Variants in INTS4 observed in about 807,000 individuals in gnomAD.
The protein encoded by INTS4 is MSTP093.
A neutral mutation model predicts 119.5 loss-of-function variants in INTS4; 70 were observed. That is an observed-to-expected ratio of 0.59 (90% confidence interval 0.48 to 0.71). The LOEUF (loss-of-function observed/expected upper bound fraction) is 0.71, where lower values mean the gene tolerates loss of function less well. Ranked by LOEUF, INTS4 falls within the 30% of genes least tolerant of loss-of-function variation. The pLI is 0.00. For missense variants in INTS4, 867 were observed against 1,173.2 expected (o/e 0.74, Z 3.81); for synonymous variants, 316 against 419.6 (o/e 0.75, Z 3.02).
chr11:77,905,646 A>C (rs1347206503), intron 16 of INTS4, among the ~76,000 whole-genome samples: 1 of 152,206 alleles, frequency 6.6e-6, no homozygotes, highest in Non-Finnish European at 1.5e-5. Context: ...GCATTTGTGA[A>C]AGATAAAATT....
intron 11 of INTS4, among the ~76,000 whole-genome samples, chr11:77,925,652 A>C (rs1425721763): frequency 2.6e-5 from 4 of 152,252 alleles, no homozygotes; most frequent in Non-Finnish European, 1.5e-5. Flanking sequence ...AAAATTCTGC[A>C]ACAGTTTTCC....
chr11:77,927,605 ACT>A (rs1375929348), intron 11 of INTS4, among the ~76,000 whole-genome samples: 5 of 151,982 alleles, frequency 3.3e-5, no homozygotes, highest in Non-Finnish European at 7.4e-5. Flanking sequence ...CTGGGAAGCA[ACT>A]CTCTGTTTAC....
downstream of INTS4, among the ~76,000 whole-genome samples, chr11:77,876,540 T>C (rs1220553018): frequency 2.6e-5 from 4 of 152,114 alleles, no homozygotes; most frequent in Admixed American, 2.0e-4. Context: ...GATACTTGAA[T>C]TGCTTAGCAA....
At chr11:77,960,472 TCC>T (rs1349084994) in intron 5 of INTS4, 81 bp from the exon 6 acceptor site, 1 of 1,074,630 alleles carries the variant, frequency 9.3e-7, no homozygotes, top group African/African-American at 1.6e-5. Context: ...TCACATATTT[TCC>T]CCTATTGTAT....
At chr11:77,910,141 C>A (rs997535067) in intron 15 of INTS4, among the ~76,000 whole-genome samples, 1 of 152,120 alleles carries the variant, frequency 6.6e-6, no homozygotes, top group Non-Finnish European at 1.5e-5. Flanking sequence ...GACACATGCA[C>A]GCATATGTTT....
intron 15 of INTS4, among the ~76,000 whole-genome samples, chr11:77,914,278 G>A (rs965520918): frequency 6.6e-6 from 1 of 152,204 alleles, no homozygotes; most frequent in Non-Finnish European, 1.5e-5. Context: ...CCATGAAGGC[G>A]AGTACCTTCT....
At chr11:77,877,751 T>C (rs1208806143), downstream of INTS4, among the ~76,000 whole-genome samples, 1 of 150,406 alleles carries the variant, frequency 6.6e-6, no homozygotes. Context: ...CACTTGCAAT[T>C]TTTTTTTTTT....
intron 12 of INTS4, among the ~76,000 whole-genome samples, chr11:77,923,185 G>T (rs556231913): frequency 2.0e-5 from 3 of 152,048 alleles, no homozygotes; most frequent in Non-Finnish European, 4.4e-5. Context: ...GGGCATGGTG[G>T]CACGGGCCTG....
chr11:77,880,525 T>C (rs968339227), intron 22 of INTS4, among the ~76,000 whole-genome samples: 1 of 152,224 alleles, frequency 6.6e-6, no homozygotes, highest in African/African-American at 2.4e-5. Flanking sequence ...TGTTCTCTGA[T>C]ACCAGGCTCC....
intron 9 of INTS4, 56 bp downstream of exon 9, chr11:77,941,124 T>C: frequency 6.3e-7 from 1 of 1,595,364 alleles, no homozygotes; most frequent in Non-Finnish European, 8.5e-7. Flanking sequence ...CTCAGCATAC[T>C]GCCCCACTAC....
chr11:77,923,232 C>G (rs966361419), intron 12 of INTS4, among the ~76,000 whole-genome samples: 12 of 148,436 alleles, frequency 8.1e-5, no homozygotes, highest in Non-Finnish European at 1.3e-4. Flanking sequence ...GCAGGAGAAT[C>G]ACTTGAACCT....
intron 8 of INTS4, among the ~76,000 whole-genome samples, chr11:77,943,362 AT>A (rs1402151903): frequency 6.6e-6 from 1 of 152,144 alleles, no homozygotes; most frequent in Non-Finnish European, 1.5e-5. Flanking sequence ...AAATGGTGAG[AT>A]GTCTATTACT....
At chr11:77,969,129 A>G (rs1855610297) in intron 4 of INTS4, among the ~76,000 whole-genome samples, 1 of 151,912 alleles carries the variant, frequency 6.6e-6, no homozygotes, top group African/African-American at 2.4e-5. Flanking sequence ...AGACAGGGTT[A>G]TCACCATGTT....
intron 4 of INTS4, among the ~76,000 whole-genome samples, chr11:77,973,893 T>C (rs2136623857): frequency 6.6e-6 from 1 of 152,320 alleles, no homozygotes; most frequent in African/African-American, 2.4e-5. Flanking sequence ...GTCACTGGTC[T>C]GCAGTTTTCG....
chr11:77,973,330 C>A lies in INTS4; in HGVS notation c.471+5666G>T, dbSNP rs1297268250. 1.3e-5 allele frequency among the ~76,000 whole-genome samples: 2 copies of A among 152,162 alleles called. 1 individual carries two copies. Among genetic ancestry groups the A allele is most frequent in the Non-Finnish European group, 2.9e-5 (2 of 68,030 alleles). ...TGGATTCCCTAAGATTTTCTACATA[C>A]AAGGTTATGTCACCTGTGAATACGG... On this transcript the variant is annotated intron_variant, in intron 4 of 22. Transcript: ENST00000534064.
At chr11:77,880,775 T>C (rs1288439104) in intron 22 of INTS4, among the ~76,000 whole-genome samples, 2 of 151,962 alleles carry the variant, frequency 1.3e-5, no homozygotes, top group East Asian at 1.9e-4. Context: ...CTGGGCAACA[T>C]AGTGAGACCT....
At chr11:77,991,494 T>A (rs1045386145) in intron 1 of INTS4, among the ~76,000 whole-genome samples, 195 bp from the exon 2 acceptor site, 7 of 152,166 alleles carry the variant, frequency 4.6e-5, no homozygotes, top group African/African-American at 1.7e-4. Flanking sequence ...CCAGTTCCTA[T>A]GACTTTAGGC....
intron 19 of INTS4, 66 bp from the exon 20 acceptor site, chr11:77,891,906 C>G: frequency 6.2e-7 from 1 of 1,601,870 alleles, no homozygotes; most frequent in Non-Finnish European, 8.5e-7. Flanking sequence ...GGCTGGGCCC[C>G]AGACACCTAT....
In INTS4 at chr11:77,920,258, C is replaced by CACATATATACAT. The variant is rs368377404; in HGVS notation, c.1764+1081_1764+1082insATGTATATATGT. Among the ~76,000 whole-genome samples the CACATATATACAT allele has an allele frequency of 4.5e-4, 64 of 142,500 alleles. 2 individuals carry two copies. The South Asian group carries it at 0.013, about 29-fold the overall frequency. The allele number at this position is 142,500 out of a possible 152,430, so 93.5% of individuals were successfully genotyped here. On this transcript the variant is annotated intron_variant, in intron 14 of 22. Transcript: ENST00000534064. ...ATATATACATATATATACATATATA[C>CACATATATACAT]ATATATACACATATATATACACATA...
Sources: gnomAD v4.1 joint callset for allele counts (sites outside exome capture counted in the v4.1 genomes callset) on GRCh38, gnomAD v4.1.1 for gene constraint, MANE v1.5 for transcripts, NCBI Gene and HGNC (gene_info 2026-07-23, HGNC 2026-07-21) for gene names.